Variants in DMGDH observed in about 807,000 individuals in gnomAD.
The protein encoded by DMGDH is dimethylglycine dehydrogenase, also known as dimethylglycine dehydrogenase, mitochondrial.
A neutral mutation model predicts 95.2 loss-of-function variants in DMGDH; 76 were observed. That is an observed-to-expected ratio of 0.80 (90% CI 0.66 to 0.97). The LOEUF (loss-of-function observed/expected upper bound fraction) is 0.97. DMGDH is among the 50% of genes least tolerant of loss of function. The pLI is 0.00. For missense variants in DMGDH, 987 were observed against 1,055.0 expected, an observed-to-expected ratio of 0.94 and a Z score of 0.89; for synonymous variants, 345 against 377.6, an observed-to-expected ratio of 0.91 and a Z score of 1.00.
At chr5:79,010,104 C>T (rs1309540852) in intron 14 of DMGDH, among the ~76,000 whole-genome samples, 2 of 152,048 alleles carry the variant, frequency 1.3e-5, no homozygotes, top group Admixed American at 1.3e-4. Context: ...AAAACATCCA[C>T]CTGTAATACA....
At chr5:79,007,529 A>G (rs986123758) in intron 14 of DMGDH, among the ~76,000 whole-genome samples, 1 of 152,206 alleles carries the variant, frequency 6.6e-6, no homozygotes, top group African/African-American at 2.4e-5. Context: ...GAGACTTGCA[A>G]TCATAGAATA....
Position 79,061,125 on chromosome 5 carries a change from T to G in DMGDH, c.276+2488A>C, listed in dbSNP as rs934737019. 2.6e-4 allele frequency among the ~76,000 whole-genome samples: 39 copies of G among 151,620 alleles called. 1 individual carries two copies. Among genetic ancestry groups the G allele is most frequent in the African/African-American group, 8.7e-4 (36 of 41,252 alleles). ...GTGGTCCCAGCTACAGGTGCTGATG[T>G]GAGAGCATTGCTTGAGCCCGTAGGT... On this transcript the variant is annotated intron_variant, in intron 2 of 15. Coordinates refer to ENST00000255189, the MANE Select transcript of DMGDH (RefSeq NM_013391.3).
At chr5:79,055,602 T>C (rs1285021092) in intron 3 of DMGDH, among the ~76,000 whole-genome samples, 1 of 152,228 alleles carries the variant, frequency 6.6e-6, no homozygotes, top group Non-Finnish European at 1.5e-5. Context: ...AAATAAAGAA[T>C]GGTTCATGAC....
intron 5 of DMGDH, among the ~76,000 whole-genome samples, chr5:79,045,046 C>T (rs553352513): frequency 6.6e-5 from 10 of 152,302 alleles, no homozygotes; most frequent in Non-Finnish European, 1.3e-4. Context: ...AAGCCCTATT[C>T]TCCCCAAATT....
Position 79,042,434 on chromosome 5 carries a change from G to A in DMGDH, c.1042C>T (p.His348Tyr). 6.2e-7 allele frequency: 1 copy of A among 1,614,120 alleles called. No individual in the cohort carries two copies. Among genetic ancestry groups the A allele is most frequent in the South Asian group, 1.1e-5 (1 of 91,082 alleles). The change falls in exon 7 of 16, where the codon CAC becomes TAC. Residue 348 changes from histidine to tyrosine, a missense_variant. His to Tyr is a moderately conservative substitution (Grantham distance 83). Coordinates refer to ENST00000255189, the MANE Select transcript of DMGDH (RefSeq NM_013391.3). ...FESDLDRIME[H>Y]IKAAMEMVPV... ...ACCATTTCCATGGCAGCTTTGATGT[G>A]TTCCATGATTCGATCTAGATCAGAC...
At chr5:79,061,461 A>G (rs1755209346) in intron 2 of DMGDH, among the ~76,000 whole-genome samples, 1 of 152,182 alleles carries the variant, frequency 6.6e-6, no homozygotes, top group Admixed American at 6.5e-5. Flanking sequence ...ATAGCCTAAT[A>G]CCTTGTATGC....
At chr5:79,067,275 A>T (rs115079152) in intron 1 of DMGDH, among the ~76,000 whole-genome samples, 35 of 152,306 alleles carry the variant, frequency 2.3e-4, no homozygotes, top group African/African-American at 8.2e-4. Flanking sequence ...ATGCTGTGTG[A>T]GAAAAAAATA....
At chr5:79,036,930 G>A (rs1342425553) in intron 7 of DMGDH, among the ~76,000 whole-genome samples, 1 of 152,014 alleles carries the variant, frequency 6.6e-6, no homozygotes, top group Non-Finnish European at 1.5e-5. Context: ...GAAGTACTTA[G>A]GGTTAAATGA....
intron 15 of DMGDH, among the ~76,000 whole-genome samples, chr5:78,999,534 C>T (rs1436775889): frequency 6.6e-6 from 1 of 151,690 alleles, no homozygotes; most frequent in African/African-American, 2.4e-5. Context: ...GGGGTTTCAC[C>T]GTGTTAGCCA....
At chr5:79,003,715 C>CA (rs1376203348) in intron 15 of DMGDH, among the ~76,000 whole-genome samples, 1 of 152,088 alleles carries the variant, frequency 6.6e-6, no homozygotes, top group Non-Finnish European at 1.5e-5. Context: ...TTCGGGAGGC[C>CA]AAGGTGGGTG....
intron 14 of DMGDH, among the ~76,000 whole-genome samples, chr5:79,012,493 C>A (rs778307608): frequency 1.3e-5 from 2 of 152,202 alleles, no homozygotes; most frequent in Non-Finnish European, 2.9e-5. Flanking sequence ...TCTCACAGCT[C>A]CACTAGGCAG....
At chr5:79,032,428 C>T (rs538856779) in intron 9 of DMGDH, among the ~76,000 whole-genome samples, 127 of 152,272 alleles carry the variant, frequency 8.3e-4, no homozygotes, top group Non-Finnish European at 1.5e-3. Flanking sequence ...AAGTTTCTTC[C>T]GAGCATCTGG....
At chr5:79,050,391 TAAA>T (rs946353127) in intron 5 of DMGDH, among the ~76,000 whole-genome samples, 3 of 150,522 alleles carry the variant, frequency 2.0e-5, no homozygotes, top group Non-Finnish European at 3.0e-5. Flanking sequence ...TGATAAATAA[TAAA>T]GATTGTTTTC....
chr5:79,035,507 G>T (rs779172810), intron 7 of DMGDH, among the ~76,000 whole-genome samples: 1 of 152,180 alleles, frequency 6.6e-6, no homozygotes, highest in Non-Finnish European at 1.5e-5. Flanking sequence ...ACCCTGGAAC[G>T]CATGCTCCTT....
intron 11 of DMGDH, among the ~76,000 whole-genome samples, chr5:79,029,476 G>T (rs1318646347): frequency 6.6e-6 from 1 of 152,166 alleles, no homozygotes; most frequent in Non-Finnish European, 1.5e-5. Context: ...AAAGGACAAA[G>T]ATAATTTAGG....
At chr5:79,012,580 T>C (rs1405712714) in intron 14 of DMGDH, among the ~76,000 whole-genome samples, 1 of 152,232 alleles carries the variant, frequency 6.6e-6, no homozygotes, top group Non-Finnish European at 1.5e-5. Context: ...ATGTTCTCCA[T>C]GAGGGCTCCA....
intron 12 of DMGDH, among the ~76,000 whole-genome samples, chr5:79,027,202 T>G (rs1488445319): frequency 6.6e-6 from 1 of 152,212 alleles, no homozygotes; most frequent in Non-Finnish European, 1.5e-5. Flanking sequence ...CTTGTTTTTT[T>G]GTTGAGACAG....
At chr5:79,027,085 T>C (rs1754023229) in intron 12 of DMGDH, among the ~76,000 whole-genome samples, 1 of 152,168 alleles carries the variant, frequency 6.6e-6, no homozygotes. Flanking sequence ...TCCCACTTCT[T>C]CCCTAGTCAT....
At chr5:79,024,229 T>C in intron 14 of DMGDH, 42 bp downstream of exon 14, 3 of 1,555,214 alleles carry the variant, frequency 1.9e-6, no homozygotes, top group Non-Finnish European at 2.7e-6. Context: ...AGCATCATAA[T>C]GTTAAGATTT....
Sources: allele counts gnomAD v4.1 joint callset (sites outside exome capture counted in the v4.1 genomes callset), GRCh38; gene constraint gnomAD v4.1.1; transcripts MANE v1.5; gene names NCBI Gene and HGNC (gene_info 2026-07-23, HGNC 2026-07-21).